Variants in SEC14L1 observed in about 807,000 individuals in gnomAD.
SEC14L1 encodes SEC14-like protein 1.
A neutral mutation model predicts 85.3 loss-of-function variants in SEC14L1; 48 were observed. The observed-to-expected ratio is 0.56, with a 90% confidence interval of 0.45 to 0.72. The LOEUF (loss-of-function observed/expected upper bound fraction) is 0.72. Ranked by LOEUF, SEC14L1 falls within the 30% of genes least tolerant of loss-of-function variation. The pLI is 0.00. For missense variants in SEC14L1, 682 were observed against 921.4 expected (o/e 0.74, Z 3.36); for synonymous variants, 391 against 355.5 (o/e 1.10, Z -1.12).
chr17:77,136,257 TTC>T (rs1223951442), upstream of SEC14L1, among the ~76,000 whole-genome samples: 1 of 151,642 alleles, frequency 6.6e-6, no homozygotes, highest in Admixed American at 6.6e-5. Context: ...TTTCCTTTCT[TTC>T]TTTCTCTCTT....
At chr17:77,113,824 C>T (rs542227891) in intron 3 of SEC14L1, among the ~76,000 whole-genome samples, 167 of 152,278 alleles carry the variant, frequency 1.1e-3, no homozygotes, top group African/African-American at 3.9e-3. Flanking sequence ...TGAGACACTG[C>T]TGGGGTGAAG....
intron 3 of SEC14L1, among the ~76,000 whole-genome samples, chr17:77,148,480 A>C (rs1347397827): frequency 6.6e-6 from 1 of 152,068 alleles, no homozygotes. Flanking sequence ...TTTCCATTAC[A>C]CAGCAGATGT....
rs1356529927 is a variant in SEC14L1 at position 77,206,840 on chromosome 17, AT to A, written c.1457del (p.Phe486SerfsTer2). ...LDYIDKEIIP[D>X]FLSGECMCEV... ...TACATCGACAAAGAGATTATTCCAG[AT>A]TTCCTGAGTGGGGAGTGCATGGTAT... is the stretch of plus-strand genomic sequence containing the variant. On this transcript the variant is annotated frameshift_variant, in exon 13 of 17. Transcript: ENST00000436233. LOFTEE classifies it high-confidence loss of function. This position sits in a 1 kb window ranked among gnomAD's most constrained non-coding sequence, Gnocchi z 4.3. The A allele has an allele frequency of 1.2e-6, 2 of 1,607,814 alleles. No homozygotes were observed. The highest frequency in any genetic ancestry group is 1.7e-6 in the Non-Finnish European group (2 of 1,177,764).
chr17:77,139,720 G>C (rs372155855), upstream of SEC14L1, among the ~76,000 whole-genome samples: 4 of 151,360 alleles, frequency 2.6e-5, no homozygotes, highest in Non-Finnish European at 4.4e-5. Context: ...GGATGGTCTC[G>C]ATCTCCTGAC....
At chr17:77,182,260 T>G (rs1368359089) in intron 3 of SEC14L1, among the ~76,000 whole-genome samples, 1 of 152,188 alleles carries the variant, frequency 6.6e-6, no homozygotes, top group Non-Finnish European at 1.5e-5. Flanking sequence ...TGAAATGTCG[T>G]CACAAAAATA....
chr17:77,090,412 TG>T (rs1971485403), intron 2 of SEC14L1, among the ~76,000 whole-genome samples: 2 of 150,424 alleles, frequency 1.3e-5, no homozygotes, highest in Non-Finnish European at 1.5e-5. Flanking sequence ...CTGAGCACTT[TG>T]GGGTGCCAAG....
chr17:77,134,064 G>A (rs1022829414), intron 3 of SEC14L1, among the ~76,000 whole-genome samples: 7 of 151,944 alleles, frequency 4.6e-5, no homozygotes, highest in African/African-American at 1.7e-4. Flanking sequence ...TGCAAGACAA[G>A]GGCAGCAGCC....
At chr17:77,194,412 G>A (rs756016429) in intron 6 of SEC14L1, among the ~76,000 whole-genome samples, 1 of 151,998 alleles carries the variant, frequency 6.6e-6, no homozygotes. Context: ...AAAATTAGCC[G>A]GATGAGGTGG....
chr17:77,169,549 C>A (rs1974438562), intron 3 of SEC14L1, among the ~76,000 whole-genome samples: 2 of 152,202 alleles, frequency 1.3e-5, no homozygotes, highest in South Asian at 2.1e-4. Flanking sequence ...TTAATCCATT[C>A]CAGCCAGGCA....
intron 3 of SEC14L1, among the ~76,000 whole-genome samples, chr17:77,144,257 A>G (rs899626203): frequency 6.6e-6 from 1 of 152,182 alleles, no homozygotes; most frequent in African/African-American, 2.4e-5. Flanking sequence ...TTAAGATATA[A>G]CATACATACC....
At position 77,199,147 on chromosome 17, in the gene SEC14L1, G is replaced by GGC. The variant is rs199737543; in HGVS notation, c.820-1335_820-1334dup. On this transcript the variant is annotated intron_variant, in intron 8 of 16. Transcript: ENST00000436233. ...AGCCTCCCAAGTAGCTGGGACTACA[G>GGC]GCGTGCACCACCACGCCCGACTAAT... 7.1e-3 allele frequency: 1,080 copies of GGC among 152,638 alleles called. 23 individuals carry two copies. The highest frequency in any genetic ancestry group is 0.039 in the Admixed American group (593 of 15,276). 9.5% of individuals were successfully genotyped at this position (152,638 alleles called of 1,614,324 possible).
In SEC14L1 at chr17:77,216,718, CTG is replaced by C; in HGVS notation, c.*2697_*2698del. ...AGTGGCATTCTTTTATACCCAAAGA[CTG>C]TAGTGCATCTTGAAGAGCTCAAAGC... is the stretch of plus-strand genomic sequence containing the variant. On this transcript the variant is annotated 3_prime_UTR_variant, in exon 17 of 17. Transcript: ENST00000436233. The C allele has an allele frequency of 3.7e-6, 5 of 1,351,692 alleles. No individual in the cohort carries two copies. Among genetic ancestry groups the C allele is most frequent in the Non-Finnish European group, 4.1e-6 (4 of 967,160 alleles). The allele number at this position is 1,351,692 out of a possible 1,614,324, so 83.7% of individuals were successfully genotyped here.
chr17:77,107,535 AGG>A (rs1350741703), intron 3 of SEC14L1, among the ~76,000 whole-genome samples: 1 of 152,090 alleles, frequency 6.6e-6, no homozygotes, highest in African/African-American at 2.4e-5. Context: ...AAAAGGAGAG[AGG>A]GGGAGAGAGA....
At chr17:77,191,024 C>G (rs940581570) in intron 4 of SEC14L1, 72 bp downstream of exon 4, 2 of 1,578,594 alleles carry the variant, frequency 1.3e-6, no homozygotes, top group African/African-American at 2.7e-5. Flanking sequence ...TGGGAGAGGG[C>G]GTCCTGGAGG....
chr17:77,170,239 C>T (rs182230253), intron 3 of SEC14L1, among the ~76,000 whole-genome samples: 78 of 152,202 alleles, frequency 5.1e-4, no homozygotes, highest in Non-Finnish European at 7.9e-4. Flanking sequence ...TCTTTTTTAA[C>T]GTGACTCTGG....
chr17:77,143,301 G>C (rs1567890880), intron 2 of SEC14L1, among the ~76,000 whole-genome samples: 1 of 152,190 alleles, frequency 6.6e-6, no homozygotes, highest in Admixed American at 6.5e-5. Flanking sequence ...CAGAGTCCCA[G>C]TAAGCCAATG....
intron 3 of SEC14L1, among the ~76,000 whole-genome samples, chr17:77,134,009 A>T (rs1489187567): frequency 6.6e-6 from 1 of 151,502 alleles, no homozygotes; most frequent in Non-Finnish European, 1.5e-5. Flanking sequence ...CACTCTCGTA[A>T]TTCGACTTTA....
chr17:77,196,204 A>T lies in SEC14L1; in HGVS notation c.712A>T (p.Lys238Ter). Residue 238 changes from lysine to a stop codon, truncating the protein, a stop_gained and splice_region_variant, in exon 8 of 17, where the codon AAA becomes TAA. Coordinates refer to ENST00000436233, the MANE Select transcript of SEC14L1 (RefSeq NM_001143998.2). LOFTEE classifies it high-confidence loss of function. ...AATAAATGTCACTTACATTCCAGAC[A>T]AACTAGATGCCGACTACATCAAGAG... ...PEPVVGTPDD[K>*]LDADYIKRYL... The T allele has an allele frequency of 6.2e-7, 1 of 1,612,526 alleles. No individual in the cohort carries two copies. Among genetic ancestry groups the T allele is most frequent in the African/African-American group, 1.3e-5 (1 of 75,012 alleles).
chr17:77,190,729 G>C, intron 3 of SEC14L1, 74 bp from the exon 4 acceptor site: 1 of 1,510,090 alleles, frequency 6.6e-7, no homozygotes, highest in Non-Finnish European at 9.2e-7. Flanking sequence ...CTGTTCCAGG[G>C]AGAACACAGT....
Sources: gnomAD v4.1 joint callset for allele counts (sites outside exome capture counted in the v4.1 genomes callset) on GRCh38, gnomAD v4.1.1 for gene constraint, Gnocchi (gnomAD v3.1) non-coding constraint, MANE v1.5 for transcripts, NCBI Gene and HGNC (gene_info 2026-07-23, HGNC 2026-07-21) for gene names.